LRRC4C: variants seen among roughly 807,000 people sequenced by gnomAD.
LRRC4C encodes leucine-rich repeat-containing protein 4C.
LRRC4C carries 5 observed loss-of-function variants against 33.6 expected under a neutral mutation model. The ratio of observed to expected loss-of-function variants is 0.15; its 90% CI spans 0.08 to 0.31. LRRC4C has a LOEUF of 0.31. Among genes scored for constraint, LRRC4C ranks in the 10% least tolerant of loss-of-function variants. The probability of loss-of-function intolerance (pLI) is 1.00; values close to 1 mark genes in which losing one functional copy is unlikely to be tolerated. For synonymous variants in LRRC4C, 329 were observed against 302.0 expected, an observed-to-expected ratio of 1.09 and a Z score of -0.93; for missense variants, 560 against 796.7, an observed-to-expected ratio of 0.70 and a Z score of 3.58.
At chr11:41,415,704 T>A (rs1269398547) in intron 1 of LRRC4C, among the ~76,000 whole-genome samples, 1 of 152,086 alleles carries the variant, frequency 6.6e-6, no homozygotes, top group Non-Finnish European at 1.5e-5. Context: ...TTGTAAAGAG[T>A]TCCATGTCTA....
At chr11:40,985,076 G>C (rs558169251) in intron 1 of LRRC4C, among the ~76,000 whole-genome samples, 50 of 151,696 alleles carry the variant, frequency 3.3e-4, no homozygotes, top group African/African-American at 1.2e-3. Flanking sequence ...TTTTGAAGGA[G>C]AGAAGAGCAA....
intron 3 of LRRC4C, among the ~76,000 whole-genome samples, chr11:40,598,002 G>A (rs1478044668): frequency 6.6e-6 from 1 of 152,128 alleles, no homozygotes; most frequent in Non-Finnish European, 1.5e-5. Context: ...TATTTGCTTG[G>A]ATGCATGGTT....
intron 3 of LRRC4C, among the ~76,000 whole-genome samples, chr11:40,368,319 G>A (rs1948304336): frequency 1.3e-5 from 2 of 152,210 alleles, no homozygotes; most frequent in East Asian, 1.9e-4. Context: ...GGCTTTAGAT[G>A]TTCTTACTTC....
At chr11:40,607,087 A>T (rs966137781) in intron 3 of LRRC4C, among the ~76,000 whole-genome samples, 7 of 152,234 alleles carry the variant, frequency 4.6e-5, no homozygotes, top group African/African-American at 1.7e-4. Context: ...AATACAACAA[A>T]GCAAGAGTAA....
At chr11:40,355,616 A>G (rs1947620380) in intron 3 of LRRC4C, among the ~76,000 whole-genome samples, 1 of 152,080 alleles carries the variant, frequency 6.6e-6, no homozygotes, top group African/African-American at 2.4e-5. Context: ...CTGAGTTCCA[A>G]TTAAGTTCCA....
intron 3 of LRRC4C, among the ~76,000 whole-genome samples, chr11:40,555,669 A>G (rs1293252265): frequency 2.0e-5 from 3 of 152,198 alleles, no homozygotes; most frequent in Non-Finnish European, 4.4e-5. Context: ...CATAAAATAT[A>G]CTAACACTAA....
chr11:40,946,860 G>A (rs757097187), intron 1 of LRRC4C, among the ~76,000 whole-genome samples: 23 of 152,026 alleles, frequency 1.5e-4, no homozygotes, highest in Admixed American at 8.5e-4. Context: ...TTGACCACAC[G>A]CTCAACCATA....
Position 40,114,490 on chromosome 11 carries a change from G to A in LRRC4C, c.1803C>T (p.Tyr601=), listed in dbSNP as rs200916477. The part of the protein sequence containing the change: ...EHEHLNHYNS[Y]KSPFNHTTTV... ...TTGTTGTGTGGTTGAAGGGAGATTT[G>A]TATGAGTTATAGTGATTTAGGTGCT... Residue 601 remains tyrosine (Y), a synonymous_variant, in exon 7 of 7, where the codon TAC becomes TAT. Transcript: ENST00000528697. 206 of 1,614,134 alleles carry A rather than the reference G, an allele frequency of 1.3e-4. No homozygotes were observed. In the Middle Eastern group the frequency reaches 1.3e-3, roughly 10 times the overall value.
At chr11:40,624,773 T>C (rs1962776024) in intron 3 of LRRC4C, among the ~76,000 whole-genome samples, 1 of 152,146 alleles carries the variant, frequency 6.6e-6, no homozygotes, top group Non-Finnish European at 1.5e-5. Flanking sequence ...AAACACTGAA[T>C]TGAAGATCTA....
intron 2 of LRRC4C, among the ~76,000 whole-genome samples, chr11:40,727,940 G>A (rs1947367106): frequency 1.3e-5 from 2 of 152,084 alleles, no homozygotes; most frequent in South Asian, 4.1e-4. Flanking sequence ...CTACTGGGGA[G>A]GCTGAGGCAG....
At chr11:40,692,951 C>T (rs1170893287) in intron 2 of LRRC4C, among the ~76,000 whole-genome samples, 2 of 152,098 alleles carry the variant, frequency 1.3e-5, no homozygotes, top group East Asian at 1.9e-4. Context: ...AGAGCAAATG[C>T]CCTATACATA....
intron 1 of LRRC4C, among the ~76,000 whole-genome samples, chr11:41,101,969 T>A (rs962928258): frequency 2.6e-5 from 4 of 151,898 alleles, no homozygotes; most frequent in Non-Finnish European, 4.4e-5. Flanking sequence ...CAACAGGCAC[T>A]GGGGCCTACT....
intron 2 of LRRC4C, among the ~76,000 whole-genome samples, chr11:40,834,921 C>G (rs1002982343): frequency 4.2e-5 from 6 of 143,698 alleles, no homozygotes; most frequent in African/African-American, 1.7e-4. Flanking sequence ...GACACACACA[C>G]ACACACACAC....
rs527978923 is a variant in LRRC4C, at chr11:40,272,140, A to G, written c.-175-30542T>C. On this transcript the variant is annotated intron_variant, in intron 4 of 6. Transcript: ENST00000528697. The stretch of plus-strand genomic sequence containing the variant: ...GAGGTTTTCATTGAGTAGAAATTGC[A>G]TAAGAAAACGGAAACTGTGATAGGA... Among the ~76,000 whole-genome samples, 8 of 152,302 alleles carry G rather than the reference A, an allele frequency of 5.3e-5. No homozygotes were observed. In the East Asian group the frequency reaches 1.5e-3, roughly 29 times the overall value.
At chr11:41,102,837 C>G (rs139386282) in intron 1 of LRRC4C, among the ~76,000 whole-genome samples, 1 of 151,926 alleles carries the variant, frequency 6.6e-6, no homozygotes. Context: ...ACAAAGAATG[C>G]TAATGTACAT....
chr11:40,671,425 T>C (rs1944101936), intron 2 of LRRC4C, among the ~76,000 whole-genome samples: 3 of 152,178 alleles, frequency 2.0e-5, no homozygotes, highest in Non-Finnish European at 4.4e-5. Flanking sequence ...TTTAATAAAC[T>C]TAATTAAAGG....
intron 1 of LRRC4C, among the ~76,000 whole-genome samples, chr11:40,956,223 A>G (rs2136794953): frequency 6.6e-6 from 1 of 151,910 alleles, no homozygotes; most frequent in South Asian, 2.1e-4. Context: ...AGCCCTCTAA[A>G]TTCCTCATTT....
intron 3 of LRRC4C, among the ~76,000 whole-genome samples, chr11:40,628,696 A>G (rs532936615): frequency 6.6e-6 from 1 of 152,180 alleles, no homozygotes; most frequent in African/African-American, 2.4e-5. Context: ...CGAAGAAAAC[A>G]GTAGGAAATG....
intron 1 of LRRC4C, among the ~76,000 whole-genome samples, chr11:41,292,958 T>C (rs1322184976): frequency 6.6e-6 from 1 of 152,110 alleles, no homozygotes; most frequent in Non-Finnish European, 1.5e-5. Context: ...AGGAATACCA[T>C]TACTCCATTA....
Sources: gnomAD v4.1 joint callset for allele counts (sites outside exome capture counted in the v4.1 genomes callset) on GRCh38, gnomAD v4.1.1 for gene constraint, MANE v1.5 for transcripts, NCBI Gene and HGNC (gene_info 2026-07-23, HGNC 2026-07-21) for gene names.